SNX7: variants seen among roughly 807,000 people sequenced by gnomAD.
SNX7 encodes the protein sorting nexin 7, also known as sorting nexin-7.
SNX7 carries 35 observed loss-of-function variants against 48.4 expected under a neutral mutation model. The ratio of observed to expected loss-of-function variants is 0.72; its 90% confidence interval spans 0.55 to 0.96. The LOEUF (loss-of-function observed/expected upper bound fraction) is 0.96. Among genes scored for constraint, SNX7 ranks in the 40% least tolerant of loss-of-function variants. The probability of loss-of-function intolerance (pLI) is 0.00; values close to 1 mark genes in which losing one functional copy is unlikely to be tolerated. For synonymous variants in SNX7, 190 were observed against 190.2 expected (o/e 1.00, Z 0.01); for missense variants, 553 against 548.9 (o/e 1.01, Z -0.07).
chr1:98,710,410 A>T (rs1652239569), intron 7 of SNX7, among the ~76,000 whole-genome samples: 1 of 152,096 alleles, frequency 6.6e-6, no homozygotes, highest in Admixed American at 6.6e-5. Context: ...CTAACGAAAG[A>T]CTAAGCTCTG....
In SNX7 at chr1:98,743,000, G is replaced by GT. The variant is rs570960487; in HGVS notation, c.1278+4619dup. ...CTTAGATAATAATAGTTAAACATTT[G>GT]TTTTTTTTCTTTTCTTCTATCATTA... On this transcript the variant is annotated intron_variant, in intron 8 of 8. Coordinates refer to ENST00000306121, the MANE Select transcript of SNX7 (RefSeq NM_015976.5). Among the ~76,000 whole-genome samples, 83 of 151,130 alleles carry GT rather than the reference G, an allele frequency of 5.5e-4. No homozygotes were observed. The Middle Eastern group carries it at 0.01, about 19-fold the overall frequency.
chr1:98,664,058 T>C (rs754010873), intron 1 of SNX7, among the ~76,000 whole-genome samples: 11 of 152,202 alleles, frequency 7.2e-5, no homozygotes, highest in Non-Finnish European at 1.3e-4. Context: ...CCTTGCCTGC[T>C]CCTCTATAAA....
At chr1:98,733,317 ACT>A (rs1056144167) in intron 7 of SNX7, among the ~76,000 whole-genome samples, 1 of 151,932 alleles carries the variant, frequency 6.6e-6, no homozygotes, top group Non-Finnish European at 1.5e-5. Context: ...GACCCTCCTG[ACT>A]CTGCCTCCTA....
At chr1:98,686,158 T>C (rs868538091) in intron 2 of SNX7, among the ~76,000 whole-genome samples, 13 of 152,284 alleles carry the variant, frequency 8.5e-5, no homozygotes, top group African/African-American at 3.1e-4. Flanking sequence ...CAACTCAAAA[T>C]GTTAGATGCC....
intron 7 of SNX7, among the ~76,000 whole-genome samples, chr1:98,702,287 A>G (rs1651791701): frequency 6.6e-6 from 1 of 152,104 alleles, no homozygotes; most frequent in Non-Finnish European, 1.5e-5. Flanking sequence ...ATGTTCCTGT[A>G]TACTTCTTTT....
chr1:98,675,504 C>G (rs981566781), intron 1 of SNX7, among the ~76,000 whole-genome samples: 2 of 152,050 alleles, frequency 1.3e-5, no homozygotes, highest in African/African-American at 4.8e-5. Flanking sequence ...TTTGTAAATT[C>G]ATGCAGATTT....
intron 2 of SNX7, among the ~76,000 whole-genome samples, chr1:98,687,502 TTTAC>T (rs746823947): frequency 2.6e-5 from 4 of 152,226 alleles, no homozygotes; most frequent in East Asian, 3.9e-4. Context: ...CTTATTATCA[TTTAC>T]TTACTTATTC....
chr1:98,755,125 G>C (rs1252306084), intron 8 of SNX7, among the ~76,000 whole-genome samples: 2 of 151,922 alleles, frequency 1.3e-5, no homozygotes, highest in African/African-American at 4.8e-5. Context: ...TATCTTTCTG[G>C]TACTGATTTA....
intron 8 of SNX7, among the ~76,000 whole-genome samples, chr1:98,749,910 T>C (rs1333951086): frequency 6.6e-6 from 1 of 152,052 alleles, no homozygotes; most frequent in Non-Finnish European, 1.5e-5. Flanking sequence ...TTTGAGACAA[T>C]GTTAAAATAC....
chr1:98,751,864 A>AG (rs1654602690), intron 8 of SNX7, among the ~76,000 whole-genome samples: 1 of 152,138 alleles, frequency 6.6e-6, no homozygotes, highest in South Asian at 2.1e-4. Context: ...TTCAAATGGA[A>AG]GTGGAACTCC....
At chr1:98,744,600 T>C (rs954229330) in intron 8 of SNX7, among the ~76,000 whole-genome samples, 1 of 151,888 alleles carries the variant, frequency 6.6e-6, no homozygotes, top group Non-Finnish European at 1.5e-5. Context: ...TAGTGGAAAC[T>C]GTGTAATGGA....
intron 1 of SNX7, among the ~76,000 whole-genome samples, chr1:98,674,262 A>G (rs1650033552): frequency 6.6e-6 from 1 of 152,214 alleles, no homozygotes; most frequent in South Asian, 2.1e-4. Flanking sequence ...GCTGTAACAA[A>G]GTACCACAGA....
intron 4 of SNX7, among the ~76,000 whole-genome samples, chr1:98,694,638 C>A: frequency 9.5e-6 from 1 of 105,518 alleles, no homozygotes; most frequent in East Asian, 3.1e-4. Flanking sequence ...GATGGAGTCT[C>A]GCTCTGTGGC....
chr1:98,692,390 G>A (rs1557801082), intron 4 of SNX7, among the ~76,000 whole-genome samples: 1 of 152,126 alleles, frequency 6.6e-6, no homozygotes, highest in Non-Finnish European at 1.5e-5. Flanking sequence ...GGCAATGACA[G>A]TGGCAGACCT....
chr1:98,744,343 T>C (rs1654217934), intron 8 of SNX7, among the ~76,000 whole-genome samples: 1 of 151,966 alleles, frequency 6.6e-6, no homozygotes, highest in African/African-American at 2.4e-5. Context: ...CTGACACAAT[T>C]GTACCTGTGG....
intron 4 of SNX7, 134 bp downstream of exon 4, chr1:98,691,833 T>G: frequency 1.5e-6 from 1 of 645,936 alleles, no homozygotes. Context: ...TCAGAAACAC[T>G]GGAGAGTTAT....
At chr1:98,664,734 AGTT>A (rs969872231) in intron 1 of SNX7, among the ~76,000 whole-genome samples, 9 of 152,322 alleles carry the variant, frequency 5.9e-5, no homozygotes, top group African/African-American at 2.2e-4. Context: ...AGTAAAACAA[AGTT>A]GTTCTGAATT....
At chr1:98,682,008 A>G (rs539362851) in intron 1 of SNX7, among the ~76,000 whole-genome samples, 31 of 152,180 alleles carry the variant, frequency 2.0e-4, no homozygotes, top group African/African-American at 6.0e-4. Context: ...TACACCAATT[A>G]TAATTTATCT....
chr1:98,691,960 C>CTCTCTG (rs1427905158), intron 4 of SNX7, among the ~76,000 whole-genome samples: 1 of 150,784 alleles, frequency 6.6e-6, no homozygotes, highest in Non-Finnish European at 1.5e-5. Flanking sequence ...CTCTCTCTCT[C>CTCTCTG]TCTCTCTAAT....
Sources: allele counts gnomAD v4.1 joint callset (sites outside exome capture counted in the v4.1 genomes callset), GRCh38; gene constraint gnomAD v4.1.1; transcripts MANE v1.5; gene names NCBI Gene and HGNC (gene_info 2026-07-23, HGNC 2026-07-21).